HYAL2: variants seen among roughly 807,000 people sequenced by gnomAD.
The protein encoded by HYAL2 is hyaluronidase 2, also known as hyaluronidase-2.
Under a neutral mutation model 35.4 loss-of-function variants are expected in HYAL2, and 30 were observed. The ratio of observed to expected loss-of-function variants is 0.85; its 90% confidence interval spans 0.63 to 1.15. The LOEUF (loss-of-function observed/expected upper bound fraction) is 1.15, where lower values mean the gene tolerates loss of function less well. HYAL2 is among the 50% of genes most tolerant of loss of function. The probability of loss-of-function intolerance (pLI) is 0.00; values close to 1 mark genes in which losing one functional copy is unlikely to be tolerated. For missense variants in HYAL2, 635 were observed against 646.5 expected (o/e 0.98, Z 0.19); for synonymous variants, 262 against 252.8 (o/e 1.04, Z -0.34).
At position 50,318,898 on chromosome 3, in the gene HYAL2, GGCCCTAACTCTCTGTCTGTCCCATAGACT is replaced by G. The variant is rs782778115; in HGVS notation, c.1011+29_1011+57del. The G allele has an allele frequency of 4.8e-6, 7 of 1,459,840 alleles. No individual in the cohort carries two copies. The highest frequency in any genetic ancestry group is 5.8e-6 in the Non-Finnish European group (6 of 1,041,082). 90.4% of individuals were successfully genotyped at this position (1,459,840 alleles called of 1,614,324 possible). On this transcript the variant is annotated intron_variant, in intron 3 of 3. Transcript: ENST00000357750. The surrounding 1 kb of genome is among the most constrained non-coding windows in gnomAD (Gnocchi z 4.5). ...TGCCCACCTGAGGTTGGTAGCCAAAGGCCCTAACTCTCTGTCTGTCCCATAGACTGAGCTCTGGCAGGCTGGGTCTCGCT... is the reference window on the plus strand; with the variant it reads ...TGCCCACCTGAGGTTGGTAGCCAAAGGAGCTCTGGCAGGCTGGGTCTCGCT...
rs1390301207 is a variant in HYAL2 at position 50,319,030 on chromosome 3, T to C, written c.937A>G (p.Thr313Ala). The C allele has an allele frequency of 3.1e-6, 5 of 1,604,398 alleles. No individual in the cohort carries two copies. The highest frequency in any genetic ancestry group is 4.3e-6 in the Non-Finnish European group (5 of 1,173,060). ...TGLSEMDLIS[T>A]IGESAALGAA... ...CCCAGGGCCGCACTCTCGCCAATGG[T>C]AGAGATGAGGTCCATCTATGCAGGA... The change falls in exon 3 of 4, where the codon ACC (threonine) becomes GCC (alanine). Residue 313 changes from threonine to alanine, a missense_variant. Physicochemically the swap from Thr to Ala is moderately conservative, Grantham distance 58. Transcript: ENST00000357750.
chr3:50,319,026 A>T lies in HYAL2; in HGVS notation c.941T>A (p.Ile314Asn), dbSNP rs782323542. 5 of 1,604,916 alleles carry T rather than the reference A, an allele frequency of 3.1e-6. No individual in the cohort carries two copies. Among genetic ancestry groups the T allele is most frequent in the Non-Finnish European group, 4.3e-6 (5 of 1,173,234 alleles). The change falls in exon 3 of 4, where the codon ATT (isoleucine) becomes AAT (asparagine). Residue 314 changes from isoleucine to asparagine, a missense_variant. By Grantham distance (149) the Ile-to-Asn change is moderately radical. Coordinates refer to ENST00000357750, the MANE Select transcript of HYAL2 (RefSeq NM_003773.5). ...GLSEMDLISTIGESAALGAAG... is the reference protein window; with the variant it reads ...GLSEMDLISTNGESAALGAAG... ...TGCGCCCAGGGCCGCACTCTCGCCA[A>T]TGGTAGAGATGAGGTCCATCTATGC...
Position 50,320,490 on chromosome 3 carries a change from G to C in HYAL2, c.-1C>G, listed in dbSNP as rs113495715. 57 of 1,527,640 alleles carry C rather than the reference G, an allele frequency of 3.7e-5. 1 individual carries two copies. Among genetic ancestry groups the C allele is most frequent in the Middle Eastern group, 4.1e-4 (2 of 4,832 alleles). The allele number at this position is 1,527,640 out of a possible 1,614,324, so 94.6% of individuals were successfully genotyped here. On this transcript the variant is annotated 5_prime_UTR_variant, in exon 2 of 4. Coordinates refer to ENST00000357750, the MANE Select transcript of HYAL2 (RefSeq NM_003773.5). The surrounding 1 kb of genome is among the most constrained non-coding windows in gnomAD (Gnocchi z 4.8). Reference sequence around the variant, plus strand: ...CGGTGGGGCCTGGGCCTGCCCGCATGCTGGGGGCTGCAGGAGGTGTCACCT... The same window carrying C: ...CGGTGGGGCCTGGGCCTGCCCGCATCCTGGGGGCTGCAGGAGGTGTCACCT...
rs147135664 is a variant in HYAL2, at chr3:50,319,944, T to G, written c.546A>C (p.Ala182=). Residue 182 remains alanine (A), a synonymous_variant, in exon 2 of 4, where the codon GCA becomes GCC. Coordinates refer to ENST00000357750, the MANE Select transcript of HYAL2 (RefSeq NM_003773.5). The part of the protein sequence containing the change: ...VKQAQYEFEF[A]AQQFMLETLR... Reference sequence around the variant, plus strand: ...GTGTCTCCAGCATGAACTGCTGTGCTGCGAACTCAAACTCATATTGTGCCT... The same window carrying G: ...GTGTCTCCAGCATGAACTGCTGTGCGGCGAACTCAAACTCATATTGTGCCT... The G allele has an allele frequency of 6.2e-7, 1 of 1,613,582 alleles. No homozygotes were observed. Among genetic ancestry groups the G allele is most frequent in the African/African-American group, 1.3e-5 (1 of 74,954 alleles).
At chr3:50,319,310 C>T (rs1207817652) in intron 2 of HYAL2, among the ~76,000 whole-genome samples, 2 of 152,248 alleles carry the variant, frequency 1.3e-5, no homozygotes, top group Admixed American at 1.3e-4. Flanking sequence ...AGTTAGAAGG[C>T]CTGGGCCCCA....
chr3:50,319,501 C>T (rs760397731), intron 2 of HYAL2, 68 bp downstream of exon 2: 414 of 1,415,756 alleles, frequency 2.9e-4, no homozygotes, highest in Non-Finnish European at 3.6e-4. Flanking sequence ...ATAGTGGCCC[C>T]TGATAACCCA....
Position 50,318,535 on chromosome 3 carries a change from G to A in HYAL2, c.1016C>T (p.Thr339Ile). 1.3e-6 allele frequency: 2 copies of A among 1,599,164 alleles called. No individual in the cohort carries two copies. The highest frequency in any genetic ancestry group is 1.7e-6 in the Non-Finnish European group (2 of 1,170,648). ...GDAGYTTSTE[T>I]CQYLKDYLTR... Reference sequence around the variant, plus strand: ...CAGGTAATCTTTGAGGTACTGGCAGGTCTCCTGGAGGCAGAAGACAAGGAC... The same window carrying A: ...CAGGTAATCTTTGAGGTACTGGCAGATCTCCTGGAGGCAGAAGACAAGGAC... The change falls in exon 4 of 4, where the codon ACC (threonine) becomes ATC (isoleucine). Residue 339 changes from threonine (T) to isoleucine (I), a missense_variant. By Grantham distance (89) the Thr-to-Ile change is moderately conservative. Coordinates refer to ENST00000357750, the MANE Select transcript of HYAL2 (RefSeq NM_003773.5). This position sits in a 1 kb window ranked among gnomAD's most constrained non-coding sequence, Gnocchi z 4.5.
rs1553715775 is a variant in HYAL2 at position 50,318,014 on chromosome 3, C to T, written c.*115G>A. 8.3e-7 allele frequency: 1 copy of T among 1,198,958 alleles called. No individual in the cohort carries two copies. Among genetic ancestry groups the T allele is most frequent in the African/African-American group, 1.5e-5 (1 of 65,442 alleles). The allele number at this position is 1,198,958 out of a possible 1,614,324, so 74.3% of individuals were successfully genotyped here. ...CTGGTATGGATGCCCTCCTGGGCTT[C>T]CTGGGGGCTCTGCCCACTCCAGACT... On this transcript the variant is annotated 3_prime_UTR_variant, in exon 4 of 4. Coordinates refer to ENST00000357750, the MANE Select transcript of HYAL2 (RefSeq NM_003773.5). The surrounding 1 kb of genome is among the most constrained non-coding windows in gnomAD (Gnocchi z 4.5).
chr3:50,319,549 A>C lies in HYAL2; in HGVS notation c.921+20T>G. The C allele has an allele frequency of 1.3e-6, 2 of 1,585,344 alleles. No individual in the cohort carries two copies. Among genetic ancestry groups the C allele is most frequent in the Non-Finnish European group, 1.7e-6 (2 of 1,162,108 alleles). The stretch of plus-strand genomic sequence containing the variant: ...ATCCTCAAGGAAGGAGAAAAAAGGC[A>C]GGGCCCTGGAGACACATACCTCACT... On this transcript the variant is annotated intron_variant, in intron 2 of 3. Coordinates refer to ENST00000357750, the MANE Select transcript of HYAL2 (RefSeq NM_003773.5).
Position 50,318,851 on chromosome 3 carries a change from G to T in HYAL2, c.1011+105C>A. The T allele has an allele frequency of 9.9e-7, 1 of 1,009,742 alleles. No individual in the cohort carries two copies. The highest frequency in any genetic ancestry group is 1.6e-6 in the Non-Finnish European group (1 of 644,470). The allele number at this position is 1,009,742 out of a possible 1,614,324, so 62.5% of individuals were successfully genotyped here. A position where few individuals can be genotyped will look rare whatever the true frequency, so the allele number is the denominator to read the frequency against. ...CCAGGGATGCCTCGGGTGGGAGACAGACAAGGGGACCAGACTAGGATTGCC... is the reference window on the plus strand; with the variant it reads ...CCAGGGATGCCTCGGGTGGGAGACATACAAGGGGACCAGACTAGGATTGCC... On this transcript the variant is annotated intron_variant, in intron 3 of 3. Coordinates refer to ENST00000357750, the MANE Select transcript of HYAL2 (RefSeq NM_003773.5). This position sits in a 1 kb window ranked among gnomAD's most constrained non-coding sequence, Gnocchi z 4.5.
Position 50,319,006 on chromosome 3 carries a change from C to T in HYAL2, c.961G>A (p.Gly321Ser). 1.2e-6 allele frequency: 2 copies of T among 1,612,430 alleles called. No homozygotes were observed. The highest frequency in any genetic ancestry group is 1.7e-6 in the Non-Finnish European group (2 of 1,178,920). Residue 321 changes from glycine to serine, a missense_variant, in exon 3 of 4, where the codon GGC (glycine) becomes AGC (serine). By Grantham distance (56) the Gly-to-Ser change is moderately conservative (BLOSUM62 0). Transcript: ENST00000357750. The stretch of plus-strand genomic sequence containing the variant: ...CCCCAGAGGATGACACCAGCTGCGC[C>T]CAGGGCCGCACTCTCGCCAATGGTA... ...ISTIGESAAL[G>S]AAGVILWGDA...
Position 50,318,730 on chromosome 3 carries a change from G to C in HYAL2, c.1012-191C>G, listed in dbSNP as rs2109323079. ...GGGTGGGGGTACAGACCGGAACCCAGTTGGGCAGATGGGGAAGGGCGGAAC... is the reference window on the plus strand; with the variant it reads ...GGGTGGGGGTACAGACCGGAACCCACTTGGGCAGATGGGGAAGGGCGGAAC... On this transcript the variant is annotated intron_variant, in intron 3 of 3. Transcript: ENST00000357750. This position sits in a 1 kb window ranked among gnomAD's most constrained non-coding sequence, Gnocchi z 4.5. 1.5e-6 allele frequency: 1 copy of C among 687,196 alleles called. No homozygotes were observed. Among genetic ancestry groups the C allele is most frequent in the East Asian group, 2.7e-5 (1 of 36,682 alleles). 42.6% of individuals were successfully genotyped at this position (687,196 alleles called of 1,614,324 possible).
intron 1 of HYAL2, chr3:50,321,994 C>T (rs1670783493): frequency 6.6e-6 from 1 of 152,152 alleles, no homozygotes; most frequent in South Asian, 2.1e-4. Context: ...CCTCTGGTCT[C>T]CTGGAGAGTA....
intron 2 of HYAL2, among the ~76,000 whole-genome samples, chr3:50,319,275 G>A (rs1702630328): frequency 6.6e-6 from 1 of 152,202 alleles, no homozygotes; most frequent in Admixed American, 6.5e-5. Context: ...TTGAGCCTAG[G>A]TGCAGCTATC....
Position 50,319,710 on chromosome 3 carries a change from G to A in HYAL2, c.780C>T (p.Ser260=), listed in dbSNP as rs1271990234. 3.7e-6 allele frequency: 6 copies of A among 1,613,766 alleles called. No individual in the cohort carries two copies. Among genetic ancestry groups the A allele is most frequent in the Non-Finnish European group, 4.2e-6 (5 of 1,180,056 alleles). The change falls in exon 2 of 4, where the codon TCC becomes TCT. Residue 260 remains serine, a synonymous_variant. Transcript: ENST00000357750. ...TCACAAAGTTGCGGCCATGGCGGGAGGAAGCAAGTGTCTCGTCCAGGTAGA... is the reference window on the plus strand; with the variant it reads ...TCACAAAGTTGCGGCCATGGCGGGAAGAAGCAAGTGTCTCGTCCAGGTAGA... The part of the protein sequence containing the change: ...PSVYLDETLA[S]SRHGRNFVSF...
chr3:50,320,777 G>A lies in HYAL2; in HGVS notation c.-46-242C>T, dbSNP rs1702672221. ...CTCGGCACAAATCTCTATTAGGTCT[G>A]TGACCCTTCTAAGAACTAGATAATT... On this transcript the variant is annotated intron_variant, in intron 1 of 3. Coordinates refer to ENST00000357750, the MANE Select transcript of HYAL2 (RefSeq NM_003773.5). This position sits in a 1 kb window ranked among gnomAD's most constrained non-coding sequence, Gnocchi z 4.8. 4 of 432,918 alleles carry A rather than the reference G, an allele frequency of 9.2e-6. No homozygotes were observed. Among genetic ancestry groups the A allele is most frequent in the African/African-American group, 6.0e-5 (3 of 50,332 alleles). The allele number at this position is 432,918 out of a possible 1,614,324, so 26.8% of individuals were successfully genotyped here.
Position 50,318,116 on chromosome 3 carries a change from A to G in HYAL2, c.*13T>C. 2 of 1,540,444 alleles carry G rather than the reference A, an allele frequency of 1.3e-6. No individual in the cohort carries two copies. The highest frequency in any genetic ancestry group is 1.8e-6 in the Non-Finnish European group (2 of 1,142,408). On this transcript the variant is annotated 3_prime_UTR_variant, in exon 4 of 4. Transcript: ENST00000357750. The surrounding 1 kb of genome is among the most constrained non-coding windows in gnomAD (Gnocchi z 4.5). ...GTAGAGGCCAGCTTGCTAGGCAGCT[A>G]GGCAGGAGACCCCTACAAGGTCCAG...
At position 50,317,965 on chromosome 3, in the gene HYAL2, C is replaced by A. The variant is rs1291602917; in HGVS notation, c.*164G>T. ...AGGGGCCTCCCAGGGACTTCCCCTCCCCCTTAGAACAGGGGGGTGCGAGCT... is the reference window on the plus strand; with the variant it reads ...AGGGGCCTCCCAGGGACTTCCCCTCACCCTTAGAACAGGGGGGTGCGAGCT... On this transcript the variant is annotated 3_prime_UTR_variant, in exon 4 of 4. Transcript: ENST00000357750. 2 of 676,404 alleles carry A rather than the reference C, an allele frequency of 3.0e-6. No homozygotes were observed. The highest frequency in any genetic ancestry group is 3.2e-5 in the Admixed American group (1 of 30,864). The allele number at this position is 676,404 out of a possible 1,614,324, so 41.9% of individuals were successfully genotyped here.
chr3:50,320,458 A>C lies in HYAL2; in HGVS notation c.32T>G (p.Leu11Trp), dbSNP rs1225388818. ...CCATGACACCGCCAGCACCAGGGCC[A>C]ATGTAACGGTGGGGCCTGGGCCTGC... MRAGPGPTVTLALVLAVSWAM... is the reference protein window; with the variant it reads MRAGPGPTVTWALVLAVSWAM... Residue 11 changes from leucine to tryptophan, a missense_variant, in exon 2 of 4, where the codon TTG (leucine) becomes TGG (tryptophan). Transcript: ENST00000357750. This position sits in a 1 kb window ranked among gnomAD's most constrained non-coding sequence, Gnocchi z 4.8. 15 of 1,569,004 alleles carry C rather than the reference A, an allele frequency of 9.6e-6. No homozygotes were observed. The highest frequency in any genetic ancestry group is 1.2e-5 in the Non-Finnish European group (14 of 1,156,292).
Sources: allele counts gnomAD v4.1 joint callset (sites outside exome capture counted in the v4.1 genomes callset), GRCh38; gene constraint gnomAD v4.1.1; non-coding constraint Gnocchi (gnomAD v3.1); transcripts MANE v1.5; gene names NCBI Gene and HGNC (gene_info 2026-07-23, HGNC 2026-07-21).